Variants in ARMC9 observed in about 807,000 individuals in gnomAD.
ARMC9 encodes armadillo repeat containing 9.
ARMC9 carries 94 observed loss-of-function variants against 107.0 expected under a neutral mutation model. The ratio of observed to expected loss-of-function variants is 0.88; its 90% CI spans 0.74 to 1.04. ARMC9 has a LOEUF of 1.04. Among genes scored for constraint, ARMC9 ranks in the 50% least tolerant of loss-of-function variants. The probability of loss-of-function intolerance (pLI) is 0.00; values close to 1 mark genes in which losing one functional copy is unlikely to be tolerated. For synonymous variants in ARMC9, 380 were observed against 396.9 expected, an observed-to-expected ratio of 0.96 and a Z score of 0.51; for missense variants, 942 against 1,030.1, an observed-to-expected ratio of 0.91 and a Z score of 1.17.
In ARMC9 at chr2:231,369,484, G is replaced by T. The variant is rs541624848; in HGVS notation, c.2262-469G>T. Among the ~76,000 whole-genome samples, 5 of 152,050 alleles carry T rather than the reference G, an allele frequency of 3.3e-5. No individual in the cohort carries two copies. The East Asian group carries it at 9.7e-4, about 29-fold the overall frequency. On this transcript the variant is annotated intron_variant, in intron 23 of 24. Coordinates refer to ENST00000611582, the MANE Select transcript of ARMC9 (RefSeq NM_001352754.2). ...ATTTTTGTATTTTTAGTAGAGACGG[G>T]GGTCTCACCATATTGGTCAGGCTGG... is the stretch of plus-strand genomic sequence containing the variant.
At chr2:231,237,462 A>C (rs959738651) in intron 8 of ARMC9, among the ~76,000 whole-genome samples, 1 of 151,992 alleles carries the variant, frequency 6.6e-6, no homozygotes, top group Admixed American at 6.6e-5. Context: ...CCTTGTGAAT[A>C]CTGTACATCT....
At position 231,248,667 on chromosome 2, in the gene ARMC9, C is replaced by T. The variant is rs559676783; in HGVS notation, c.880-7919C>T. Among the ~76,000 whole-genome samples, 12 of 151,968 alleles carry T rather than the reference C, an allele frequency of 7.9e-5. No homozygotes were observed. The South Asian group carries it at 2.1e-3, about 26-fold the overall frequency. On this transcript the variant is annotated intron_variant, in intron 9 of 24. Transcript: ENST00000611582. The stretch of plus-strand genomic sequence containing the variant: ...ACTAAAAATACAAAAATTAGCCAGG[C>T]GTGGTGGCGCACACCTATAATCCTA...
At chr2:231,320,396 G>A (rs2042931219) in intron 19 of ARMC9, among the ~76,000 whole-genome samples, 2 of 152,042 alleles carry the variant, frequency 1.3e-5, no homozygotes, top group Non-Finnish European at 2.9e-5. Flanking sequence ...CCCATCACTT[G>A]GCACAATCTC....
At chr2:231,209,617 C>T (rs991951813) in intron 3 of ARMC9, among the ~76,000 whole-genome samples, 1 of 152,096 alleles carries the variant, frequency 6.6e-6, no homozygotes, top group Non-Finnish European at 1.5e-5. Context: ...CTTACTGCAA[C>T]CCCCGCCTCC....
intron 9 of ARMC9, 34 bp from the exon 10 acceptor site, chr2:231,256,552 C>T: frequency 3.1e-6 from 5 of 1,611,030 alleles, no homozygotes; most frequent in Non-Finnish European, 3.4e-6. Flanking sequence ...CAGTGTTTAA[C>T]ACCATCTGTT....
chr2:231,337,288 ATATTTTTTTTTTT>A (rs1169071531), intron 20 of ARMC9, among the ~76,000 whole-genome samples: 1,215 of 52,284 alleles, frequency 0.023, 24 homozygotes, highest in African/African-American at 0.085. Context: ...ATATATATAT[ATATTTTTTTTTTT>A]TTTTTTTTTT....
intron 7 of ARMC9, among the ~76,000 whole-genome samples, 194 bp downstream of exon 7, chr2:231,226,992 C>T (rs981336208): frequency 2.6e-5 from 4 of 152,128 alleles, no homozygotes; most frequent in African/African-American, 9.7e-5. Context: ...TTGTTAGCTT[C>T]GTCTTGCATG....
chr2:231,221,171 T>G (rs2034086232), intron 5 of ARMC9, among the ~76,000 whole-genome samples: 1 of 152,194 alleles, frequency 6.6e-6, no homozygotes, highest in Non-Finnish European at 1.5e-5. Context: ...GATCCTTCCT[T>G]TCCCCTCCCA....
At chr2:231,256,453 A>G in intron 9 of ARMC9, 133 bp from the exon 10 acceptor site, 1 of 1,308,228 alleles carries the variant, frequency 7.6e-7, no homozygotes, top group Non-Finnish European at 1.1e-6. Flanking sequence ...AGTTAAAAAA[A>G]AAAACCAAAA....
At chr2:231,246,378 C>A (rs1477564439) in intron 9 of ARMC9, among the ~76,000 whole-genome samples, 1 of 152,100 alleles carries the variant, frequency 6.6e-6, no homozygotes, top group Non-Finnish European at 1.5e-5. Context: ...CCAATAGTTC[C>A]CAGTATCTGT....
At chr2:231,245,046 C>G (rs1244722425) in intron 9 of ARMC9, among the ~76,000 whole-genome samples, 1 of 152,148 alleles carries the variant, frequency 6.6e-6, no homozygotes, top group African/African-American at 2.4e-5. Flanking sequence ...GAAAGCTGCC[C>G]GTGTTATCGA....
At chr2:231,370,178 C>A in intron 24 of ARMC9, 53 bp downstream of exon 24, 1 of 1,455,668 alleles carries the variant, frequency 6.9e-7, no homozygotes, top group Non-Finnish European at 9.1e-7. Context: ...CGCCAACCTG[C>A]AGGGAAGGGC....
At chr2:231,270,658 G>C in intron 12 of ARMC9, 1 of 519,774 alleles carries the variant, frequency 1.9e-6, no homozygotes, top group Non-Finnish European at 3.9e-6. Context: ...AATTAGTCAT[G>C]TGTCTTGGAT....
chr2:231,360,888 G>A lies in ARMC9; in HGVS notation c.2261+5G>A. On this transcript the variant is annotated splice_donor_5th_base_variant and intron_variant, in intron 23 of 24. Coordinates refer to ENST00000611582, the MANE Select transcript of ARMC9 (RefSeq NM_001352754.2). The surrounding 1 kb of genome is among the most constrained non-coding windows in gnomAD (Gnocchi z 4.7). The stretch of plus-strand genomic sequence containing the variant: ...AGGCAATGGAGTGACCACCAGGTAA[G>A]GGGGATATCACAAGGCCTCGAACCT... 2 of 1,523,176 alleles carry A rather than the reference G, an allele frequency of 1.3e-6. No homozygotes were observed. The highest frequency in any genetic ancestry group is 1.8e-6 in the Non-Finnish European group (2 of 1,140,940). The allele number at this position is 1,523,176 out of a possible 1,614,324, so 94.4% of individuals were successfully genotyped here. A position where few individuals can be genotyped will look rare whatever the true frequency, so the allele number is the denominator to read the frequency against.
chr2:231,352,903 TAA>T (rs1163634121), intron 21 of ARMC9, among the ~76,000 whole-genome samples: 1 of 121,402 alleles, frequency 8.2e-6, no homozygotes, highest in Admixed American at 7.2e-5. Context: ...CCGTCTCTAC[TAA>T]AAATACAAAA....
chr2:231,296,151 G>C (rs113539032), intron 18 of ARMC9, 47 bp from the exon 19 acceptor site: 4 of 1,461,364 alleles, frequency 2.7e-6, no homozygotes, highest in East Asian at 4.5e-5. Context: ...GTGGACCAAG[G>C]CTCCCACTGT....
intron 6 of ARMC9, among the ~76,000 whole-genome samples, chr2:231,223,399 G>A (rs1375058242): frequency 2.0e-5 from 3 of 152,152 alleles, no homozygotes; most frequent in Non-Finnish European, 2.9e-5. Context: ...AGGGTGACAG[G>A]TGTAAATAGA....
chr2:231,317,245 A>C (rs2042748771), intron 19 of ARMC9, among the ~76,000 whole-genome samples: 1 of 151,530 alleles, frequency 6.6e-6, no homozygotes, highest in South Asian at 2.1e-4. Flanking sequence ...ATCGTGGCTC[A>C]CTGCAACCTC....
At chr2:231,204,615 CAG>C (rs1174665362) in intron 1 of ARMC9, among the ~76,000 whole-genome samples, 1 of 151,962 alleles carries the variant, frequency 6.6e-6, no homozygotes, top group East Asian at 1.9e-4. Flanking sequence ...GGTCTAGGCA[CAG>C]GGGAACACCT....
Sources: allele counts gnomAD v4.1 joint callset (sites outside exome capture counted in the v4.1 genomes callset), GRCh38; gene constraint gnomAD v4.1.1; non-coding constraint Gnocchi (gnomAD v3.1); transcripts MANE v1.5; gene names NCBI Gene and HGNC (gene_info 2026-07-23, HGNC 2026-07-21).